The following TENM1 variants were observed in gnomAD, a reference collection of about 807,000 sequenced individuals.
TENM1 encodes the protein teneurin transmembrane protein 1.
Under a neutral mutation model 174.8 loss-of-function variants are expected in TENM1, and 35 were observed. The observed-to-expected ratio is 0.20, with a 90% CI of 0.15 to 0.27. The LOEUF is 0.27. TENM1 is among the 10% of genes least tolerant of loss of function. The pLI, the probability that TENM1 is intolerant of heterozygous loss-of-function variation, is 1.00. For synonymous variants in TENM1, 781 were observed against 798.7 expected, an observed-to-expected ratio of 0.98 and a Z score of 0.37; for missense variants, 1,633 against 2,130.1, an observed-to-expected ratio of 0.77 and a Z score of 4.59.
chrX:124,453,879 C>A (rs980613246), intron 22 of TENM1, among the ~76,000 whole-genome samples: 2 of 111,473 alleles, frequency 1.8e-5, no homozygotes, highest in African/African-American at 6.5e-5. Context: ...TGCTTATTTT[C>A]ACGATTGCAT....
intron 1 of TENM1, among the ~76,000 whole-genome samples, chrX:124,961,217 C>T (rs2058647839): frequency 1.8e-5 from 2 of 111,767 alleles, no homozygotes; most frequent in Admixed American, 1.9e-4. Context: ...CAGTTGATAG[C>T]AACTAATTCC....
the TENM1 span, among the ~76,000 whole-genome samples, chrX:125,079,393 C>A: frequency 9.0e-6 from 1 of 111,556 alleles, no homozygotes; most frequent in African/African-American, 3.2e-5. Flanking sequence ...AAAGACCTTT[C>A]TTGAAGAAGG....
At chrX:125,061,494 C>T in the TENM1 span, among the ~76,000 whole-genome samples, 1 of 112,028 alleles carries the variant, frequency 8.9e-6, no homozygotes, top group East Asian at 2.8e-4. Context: ...TAAAATAAAC[C>T]GTACTCTTCA....
chrX:124,821,181 C>A (rs909439370), intron 3 of TENM1, among the ~76,000 whole-genome samples: 2 of 112,277 alleles, frequency 1.8e-5, no homozygotes, highest in Non-Finnish European at 3.8e-5. Flanking sequence ...TCACTAACTC[C>A]AAGACTGAAT....
exon 32 of TENM1, chrX:124,380,796 C>T (rs772723685): frequency 2.9e-5 from 35 of 1,209,927 alleles, no homozygotes; most frequent in Non-Finnish European, 3.7e-5. Flanking sequence ...TTTTCCTCTT[C>T]GACAGTTGTC....
intron 22 of TENM1, among the ~76,000 whole-genome samples, chrX:124,456,785 T>C (rs771846981): frequency 8.9e-6 from 1 of 111,898 alleles, no homozygotes; most frequent in East Asian, 2.8e-4. Flanking sequence ...AGATTCAATT[T>C]ACTTTCCAAT....
intron 1 of TENM1, among the ~76,000 whole-genome samples, chrX:124,901,711 T>C (rs1433618506): frequency 2.7e-5 from 3 of 111,404 alleles, no homozygotes; most frequent in African/African-American, 9.8e-5. Flanking sequence ...ACTCCTGGAC[T>C]CAAGCATTAC....
At chrX:125,017,689 G>C in the TENM1 span, among the ~76,000 whole-genome samples, 2 of 112,004 alleles carry the variant, frequency 1.8e-5, no homozygotes, top group Admixed American at 1.9e-4. Context: ...ATACTAGGCA[G>C]CCATAAAAAG....
intron 11 of TENM1, among the ~76,000 whole-genome samples, chrX:124,623,249 TTG>T (rs2050560984): frequency 9.1e-6 from 1 of 110,244 alleles, no homozygotes; most frequent in Non-Finnish European, 1.9e-5. Context: ...ATATGTGTGA[TTG>T]TGTGAGTGTG....
intron 16 of TENM1, among the ~76,000 whole-genome samples, chrX:124,529,069 T>C (rs2048046677): frequency 9.0e-6 from 1 of 111,406 alleles, no homozygotes; most frequent in Non-Finnish European, 1.9e-5. Flanking sequence ...CGTATGATTA[T>C]TGAAGTGGCT....
chrX:124,702,825 T>C, intron 5 of TENM1, among the ~76,000 whole-genome samples: 1 of 111,504 alleles, frequency 9.0e-6, no homozygotes, highest in East Asian at 2.8e-4. Context: ...ATACCTATCC[T>C]TAAGGATTGT....
At chrX:124,518,222 G>A (rs1372147952) in intron 18 of TENM1, among the ~76,000 whole-genome samples, 2 of 110,258 alleles carry the variant, frequency 1.8e-5, no homozygotes, top group African/African-American at 3.3e-5. Flanking sequence ...GCAGTAAAGC[G>A]GGGAGAGGGA....
intron 15 of TENM1, among the ~76,000 whole-genome samples, chrX:124,531,811 T>C (rs1035041899): frequency 1.8e-5 from 2 of 112,593 alleles, no homozygotes; most frequent in African/African-American, 6.5e-5. Flanking sequence ...TTTGAACTAA[T>C]TCTGGCAGAT....
chrX:124,970,482 G>T, the TENM1 span, among the ~76,000 whole-genome samples: 3 of 111,951 alleles, frequency 2.7e-5, no homozygotes, highest in African/African-American at 9.7e-5. Context: ...AATGCAGATT[G>T]ACTGATTCAG....
At chrX:124,528,528 G>T (rs928530463) in intron 16 of TENM1, among the ~76,000 whole-genome samples, 1 of 110,839 alleles carries the variant, frequency 9.0e-6, no homozygotes, top group African/African-American at 3.3e-5. Context: ...GTTTGCAAGG[G>T]TGAGGCTAGT....
At chrX:124,665,173 A>C (rs779145336) in intron 6 of TENM1, among the ~76,000 whole-genome samples, 1 of 111,518 alleles carries the variant, frequency 9.0e-6, no homozygotes, top group African/African-American at 3.3e-5. Context: ...CCCTGTCTCC[A>C]TTAAAAAAAT....
At chrX:124,985,455 A>T in the TENM1 span, among the ~76,000 whole-genome samples, 2 of 112,157 alleles carry the variant, frequency 1.8e-5, no homozygotes. Flanking sequence ...AGTATGACTA[A>T]CACATGGGTA....
At chrX:124,779,535 C>T (rs1184882907) in intron 3 of TENM1, among the ~76,000 whole-genome samples, 3 of 111,863 alleles carry the variant, frequency 2.7e-5, no homozygotes, top group Admixed American at 9.5e-5. Flanking sequence ...TTCATGAGCA[C>T]GTCTTAGGGA....
intron 14 of TENM1, among the ~76,000 whole-genome samples, chrX:124,555,166 C>T: frequency 9.0e-6 from 1 of 111,257 alleles, no homozygotes; most frequent in South Asian, 3.9e-4. Context: ...GACTACTTTT[C>T]TATACTAATC....
Sources: allele counts gnomAD v4.1 joint callset (sites outside exome capture counted in the v4.1 genomes callset), GRCh38; gene constraint gnomAD v4.1.1; transcripts MANE v1.5; gene names NCBI Gene and HGNC (gene_info 2026-07-23, HGNC 2026-07-21).